Variants in ZBTB16 observed in about 807,000 individuals in gnomAD.
ZBTB16 encodes the protein zinc finger and BTB domain-containing protein 16.
A neutral mutation model predicts 56.8 loss-of-function variants in ZBTB16; 8 were observed. That is an observed-to-expected ratio of 0.14 (90% confidence interval 0.08 to 0.25). The LOEUF (loss-of-function observed/expected upper bound fraction) is 0.25. Ranked by LOEUF, ZBTB16 falls within the 10% of genes least tolerant of loss-of-function variation. The pLI is 1.00. For synonymous variants in ZBTB16, 363 were observed against 368.5 expected, an observed-to-expected ratio of 0.98 and a Z score of 0.17; for missense variants, 625 against 903.0, an observed-to-expected ratio of 0.69 and a Z score of 3.95.
chr11:114,248,708 C>T (rs1049733001), intron 6 of ZBTB16, among the ~76,000 whole-genome samples: 9 of 152,220 alleles, frequency 5.9e-5, no homozygotes, highest in African/African-American at 1.9e-4. Context: ...TGTCAGAGCT[C>T]GTTTTTCGTG....
At chr11:114,106,625 C>T (rs968522515) in intron 2 of ZBTB16, among the ~76,000 whole-genome samples, 1 of 152,032 alleles carries the variant, frequency 6.6e-6, no homozygotes, top group East Asian at 1.9e-4. Context: ...CCTGCACCAC[C>T]ATGCCTGGCT....
chr11:114,139,386 C>T (rs1941884202), intron 2 of ZBTB16, among the ~76,000 whole-genome samples: 1 of 152,166 alleles, frequency 6.6e-6, no homozygotes, highest in Non-Finnish European at 1.5e-5. Context: ...CTTCACTCTC[C>T]GGCTTCGCCA....
intron 2 of ZBTB16, among the ~76,000 whole-genome samples, chr11:114,106,981 G>A (rs1040612189): frequency 4.6e-5 from 7 of 152,114 alleles, no homozygotes; most frequent in Non-Finnish European, 7.3e-5. Context: ...CAGTAGTTTC[G>A]ACGAGTTTTA....
chr11:114,105,471 C>G (rs1940758170), intron 2 of ZBTB16, among the ~76,000 whole-genome samples: 1 of 152,148 alleles, frequency 6.6e-6, no homozygotes, highest in Admixed American at 6.5e-5. Context: ...AACTCCTGAT[C>G]TCAGGTGATC....
chr11:114,222,789 A>G (rs925335329), intron 4 of ZBTB16, among the ~76,000 whole-genome samples: 3 of 152,138 alleles, frequency 2.0e-5, no homozygotes, highest in African/African-American at 7.2e-5. Flanking sequence ...GAATCCCCAT[A>G]TGCTGCGAAA....
chr11:114,077,546 ACTC>A lies in ZBTB16; in HGVS notation c.1268+12985_1268+12987del, dbSNP rs151245181. Reference sequence around the variant, plus strand: ...CCTTCTCTTTCTCTCAATTAGTCCGACTCCTCCTCAGCCTGAACTAAGCACGTT... The same window carrying A: ...CCTTCTCTTTCTCTCAATTAGTCCGACTCCTCAGCCTGAACTAAGCACGTT... On this transcript the variant is annotated intron_variant, in intron 2 of 6. Coordinates refer to ENST00000335953, the MANE Select transcript of ZBTB16 (RefSeq NM_006006.6). Among the ~76,000 whole-genome samples the A allele has an allele frequency of 3.9e-3, 587 of 151,728 alleles. 5 individuals are homozygous for A. Among genetic ancestry groups the A allele is most frequent in the African/African-American group, 0.013 (556 of 41,324 alleles).
chr11:114,171,695 A>G (rs183577458), intron 3 of ZBTB16, among the ~76,000 whole-genome samples: 2 of 152,236 alleles, frequency 1.3e-5, no homozygotes, highest in East Asian at 3.9e-4. Flanking sequence ...CTGCTTTGGG[A>G]GCATACATAG....
intron 4 of ZBTB16, chr11:114,210,680 A>AACT (rs1366860450): frequency 5.6e-4 from 43 of 77,160 alleles, no homozygotes; most frequent in African/African-American, 4.1e-3. Flanking sequence ...AATCTTGGTA[A>AACT]ACTTCCCAGA....
chr11:114,191,138 A>C (rs901917997), intron 4 of ZBTB16, among the ~76,000 whole-genome samples: 1 of 152,172 alleles, frequency 6.6e-6, no homozygotes, highest in Non-Finnish European at 1.5e-5. Flanking sequence ...ATTCAGGAGA[A>C]ATCCACCCCC....
At chr11:114,167,231 GGTTTTTTTTT>G (rs1942789130) in intron 3 of ZBTB16, among the ~76,000 whole-genome samples, 1 of 43,164 alleles carries the variant, frequency 2.3e-5, no homozygotes, top group Non-Finnish European at 6.8e-5. Context: ...TTTTTTTTTT[GGTTTTTTTTT>G]TTTTTTTTTT....
intron 2 of ZBTB16, among the ~76,000 whole-genome samples, chr11:114,068,073 A>AAAG (rs1424006346): frequency 7.4e-4 from 112 of 151,992 alleles, no homozygotes; most frequent in African/African-American, 2.6e-3. Flanking sequence ...AAAAAAAAAA[A>AAAG]AAATCAGAAG....
chr11:114,141,916 T>C (rs1029828652), intron 2 of ZBTB16, among the ~76,000 whole-genome samples: 1 of 152,240 alleles, frequency 6.6e-6, no homozygotes, highest in African/African-American at 2.4e-5. Flanking sequence ...ACATATGTCT[T>C]GTACAGATTT....
Position 114,116,963 on chromosome 11 carries a change from A to ATG in ZBTB16, c.1269-39372_1269-39371dup, listed in dbSNP as rs537064988. Among the ~76,000 whole-genome samples the ATG allele has an allele frequency of 3.6e-3, 555 of 152,350 alleles. 6 individuals are homozygous for ATG. Among genetic ancestry groups the ATG allele is most frequent in the African/African-American group, 0.012 (514 of 41,576 alleles). ...ATAGTAGAATACAAGTGGTAATAAA[A>ATG]TGTAGAACAAAGTGTAGAGGAAATG... is the stretch of plus-strand genomic sequence containing the variant. On this transcript the variant is annotated intron_variant, in intron 2 of 6. Transcript: ENST00000335953.
chr11:114,186,889 C>G, intron 3 of ZBTB16, 63 bp from the exon 4 acceptor site: 1 of 1,540,260 alleles, frequency 6.5e-7, no homozygotes, highest in Non-Finnish European at 9.0e-7. Context: ...AGTTGTGGCC[C>G]AGGACCTCCC....
intron 2 of ZBTB16, among the ~76,000 whole-genome samples, chr11:114,096,141 G>C (rs1325065192): frequency 3.3e-5 from 5 of 152,046 alleles, no homozygotes; most frequent in African/African-American, 9.7e-5. Context: ...AGCAACCAGG[G>C]GTATTTTAAT....
chr11:114,222,833 C>T (rs1396020705), intron 4 of ZBTB16, among the ~76,000 whole-genome samples: 2 of 152,102 alleles, frequency 1.3e-5, no homozygotes, highest in Non-Finnish European at 2.9e-5. Context: ...TATATATCAC[C>T]GTCTGAGGAG....
intron 2 of ZBTB16, among the ~76,000 whole-genome samples, chr11:114,104,986 T>C (rs555847979): frequency 4.6e-5 from 7 of 152,296 alleles, no homozygotes; most frequent in African/African-American, 1.4e-4. Context: ...CTGACCCATT[T>C]TGCAGAGCAG....
intron 2 of ZBTB16, among the ~76,000 whole-genome samples, chr11:114,144,735 G>T (rs1264448242): frequency 6.6e-6 from 1 of 152,214 alleles, no homozygotes. Context: ...TTATTATTAA[G>T]TATATTTTCA....
intron 2 of ZBTB16, among the ~76,000 whole-genome samples, chr11:114,075,641 A>ATATATATATATATG (rs1939531959): frequency 7.5e-6 from 1 of 133,320 alleles, no homozygotes; most frequent in African/African-American, 2.9e-5. Context: ...ATATATATAT[A>ATATATATATATATG]TATATATTTA....
Sources: gnomAD v4.1 joint callset for allele counts (sites outside exome capture counted in the v4.1 genomes callset) on GRCh38, gnomAD v4.1.1 for gene constraint, MANE v1.5 for transcripts, NCBI Gene and HGNC (gene_info 2026-07-23, HGNC 2026-07-21) for gene names.